The following CD14 variants were observed in gnomAD, a reference collection of about 807,000 sequenced individuals.
CD14 encodes CD14 molecule, also known as monocyte differentiation antigen CD14.
A neutral mutation model predicts 2.5 loss-of-function variants in CD14; 4 were observed. The observed-to-expected ratio is 1.63, with a 90% CI of 0.80 to 3.72. CD14 has a LOEUF of 3.72. CD14 is among the 30% of genes most tolerant of loss of function. The pLI is 0.01. For synonymous variants in CD14, 236 were observed against 235.1 expected, an observed-to-expected ratio of 1.00 and a Z score of -0.04; for missense variants, 478 against 497.8, an observed-to-expected ratio of 0.96 and a Z score of 0.38.
chr5:140,632,597 G>A lies in CD14; in HGVS notation c.387C>T (p.Thr129=). The A allele has an allele frequency of 6.2e-7, 1 of 1,614,000 alleles. No homozygotes were observed. The highest frequency in any genetic ancestry group is 8.5e-7 in the Non-Finnish European group (1 of 1,180,048). The change falls in exon 2 of 2, where the codon ACC becomes ACT. Residue 129 remains threonine, a synonymous_variant. Transcript: ENST00000302014. The surrounding 1 kb of genome is among the most constrained non-coding windows in gnomAD (Gnocchi z 6.2). ...CCAGAGGCAGCGGAGGCATGGTGCC[G>A]GTTATCTTTAGGTCCTCGAGCGTCA... ...KELTLEDLKI[T]GTMPPLPLEA... is the part of the protein sequence containing the mutation.
chr5:140,633,456 T>C (rs1414901497), upstream of CD14: 23 of 413,542 alleles, frequency 5.6e-5, no homozygotes, highest in Non-Finnish European at 9.6e-5. Context: ...CTCTGGTGGG[T>C]GTGGGAAAAG....
chr5:140,633,268 C>T (rs1438893766), upstream of CD14: 13 of 678,842 alleles, frequency 1.9e-5, no homozygotes, highest in East Asian at 3.0e-4. Flanking sequence ...CACCTCTCTT[C>T]CTCCGAGCCA....
rs1756613952 is a variant in CD14, at chr5:140,632,373, T to C, written c.611A>G (p.Asn204Ser). 14 of 1,613,984 alleles carry C rather than the reference T, an allele frequency of 8.7e-6. No individual in the cohort carries two copies. The highest frequency in any genetic ancestry group is 2.2e-5 in the East Asian group (1 of 44,884). The change falls in exon 2 of 2, where the codon AAT (asparagine) becomes AGT (serine). Residue 204 changes from asparagine to serine, a missense_variant. Coordinates refer to ENST00000302014, the MANE Select transcript of CD14 (RefSeq NM_000591.4). The surrounding 1 kb of genome is among the most constrained non-coding windows in gnomAD (Gnocchi z 6.2). ...PALTSLDLSD[N>S]PGLGERGLMA... Reference sequence around the variant, plus strand: ...CAGTCCGCGTTCGCCCAGTCCAGGATTGTCAGACAGGTCTAGGCTGGTAAG... The same window carrying C: ...CAGTCCGCGTTCGCCCAGTCCAGGACTGTCAGACAGGTCTAGGCTGGTAAG...
chr5:140,632,321 G>T lies in CD14; in HGVS notation c.663C>A (p.Phe221Leu). The T allele has an allele frequency of 6.2e-7, 1 of 1,614,048 alleles. No individual in the cohort carries two copies. Among genetic ancestry groups the T allele is most frequent in the East Asian group, 2.2e-5 (1 of 44,890 alleles). Residue 221 changes from phenylalanine to leucine, a missense_variant, in exon 2 of 2, where the codon TTC becomes TTA. Physicochemically the swap from Phe to Leu is conservative, Grantham distance 22 (BLOSUM62 0). Transcript: ENST00000302014. The surrounding 1 kb of genome is among the most constrained non-coding windows in gnomAD (Gnocchi z 6.2). ...GCAGCGCTAGATTCTGGATGGCCGG[G>T]AACTTGTGGGGACAGAGAGCCGCCA... ...GLMAALCPHK[F>L]PAIQNLALRN...
rs1460799136 is a variant in CD14, at chr5:140,632,234, C to T, written c.750G>A (p.Gln250=). The change falls in exon 2 of 2, where the codon CAG becomes CAA. Residue 250 remains glutamine (Q), a synonymous_variant. Transcript: ENST00000302014. This position sits in a 1 kb window ranked among gnomAD's most constrained non-coding sequence, Gnocchi z 6.2. Reference sequence around the variant, plus strand: ...TGTGGCTGAGGTCTAGGCTGTGGGGCTGCACACCTGCCGCCGCCAGTGCGG... The same window carrying T: ...TGTGGCTGAGGTCTAGGCTGTGGGGTTGCACACCTGCCGCCGCCAGTGCGG... ...VCAALAAAGV[Q]PHSLDLSHNS... is the part of the protein sequence containing the mutation. The T allele has an allele frequency of 2.5e-6, 4 of 1,613,468 alleles. No individual in the cohort carries two copies. Among genetic ancestry groups the T allele is most frequent in the Middle Eastern group, 1.7e-4 (1 of 6,056 alleles).
chr5:140,632,785 C>A lies in CD14; in HGVS notation c.199G>T (p.Glu67Ter), dbSNP rs923433756. 1.9e-6 allele frequency: 3 copies of A among 1,613,490 alleles called. No homozygotes were observed. The African/African-American group carries it at 4.0e-5, about 22-fold the overall frequency. Reference sequence around the variant, plus strand: ...GCATCGACGCGCTTTAGAAACGGCTCTAGGTTGAGACCGCCGGCATGGATC... The same window carrying A: ...GCATCGACGCGCTTTAGAAACGGCTATAGGTTGAGACCGCCGGCATGGATC... ...VEIHAGGLNL[E>*]PFLKRVDADA... is the part of the protein sequence containing the mutation. The change falls in exon 2 of 2, where the codon GAG becomes TAG. Residue 67 changes from glutamate to a stop codon, truncating the protein, a stop_gained. Coordinates refer to ENST00000302014, the MANE Select transcript of CD14 (RefSeq NM_000591.4). LOFTEE classifies it low-confidence loss of function (END_TRUNC). The surrounding 1 kb of genome is among the most constrained non-coding windows in gnomAD (Gnocchi z 6.2).
In CD14 at chr5:140,632,121, A is replaced by G. The variant is rs749523654; in HGVS notation, c.863T>C (p.Leu288Pro). The stretch of plus-strand genomic sequence containing the variant: ...TGGCAGTCCTTTAGGCACCTGTTCC[A>G]GCCCAGCGAACGACAGATTGAGGGA... ...LNSLNLSFAGLEQVPKGLPAK... is the reference protein window; with the variant it reads ...LNSLNLSFAGPEQVPKGLPAK... The change falls in exon 2 of 2, where the codon CTG (leucine) becomes CCG (proline). Residue 288 changes from leucine (L) to proline (P), a missense_variant. By Grantham distance (98) the Leu-to-Pro change is moderately conservative. Transcript: ENST00000302014. The surrounding 1 kb of genome is among the most constrained non-coding windows in gnomAD (Gnocchi z 6.2). The G allele has an allele frequency of 6.2e-7, 1 of 1,614,168 alleles. No homozygotes were observed. The highest frequency in any genetic ancestry group is 1.7e-5 in the Admixed American group (1 of 60,030).
chr5:140,632,487 T>A lies in CD14; in HGVS notation c.497A>T (p.Gln166Leu). Residue 166 changes from glutamine (Q) to leucine (L), a missense_variant, in exon 2 of 2, where the codon CAG becomes CTG. By Grantham distance (113) the Gln-to-Leu change is moderately radical. Transcript: ENST00000302014. The surrounding 1 kb of genome is among the most constrained non-coding windows in gnomAD (Gnocchi z 6.2). The part of the protein sequence containing the change: ...TGRSWLAELQ[Q>L]WLKPGLKVLS... Reference sequence around the variant, plus strand: ...TACCTTGAGGCCTGGCTTGAGCCACTGCTGCAGCTCGGCGAGCCAAGAACG... The same window carrying A: ...TACCTTGAGGCCTGGCTTGAGCCACAGCTGCAGCTCGGCGAGCCAAGAACG... 1 of 1,614,068 alleles carries A rather than the reference T, an allele frequency of 6.2e-7. No individual in the cohort carries two copies. Among genetic ancestry groups the A allele is most frequent in the Non-Finnish European group, 8.5e-7 (1 of 1,180,010 alleles).
Position 140,632,456 on chromosome 5 carries a change from G to A in CD14, c.528C>T (p.Ser176=). The change falls in exon 2 of 2, where the codon AGC becomes AGT. Residue 176 remains serine, a synonymous_variant. Transcript: ENST00000302014. This position sits in a 1 kb window ranked among gnomAD's most constrained non-coding sequence, Gnocchi z 6.2. Reference sequence around the variant, plus strand: ...AGGCAGGCGAGTGTGCTTGGGCAATGCTCAGTACCTTGAGGCCTGGCTTGA... The same window carrying A: ...AGGCAGGCGAGTGTGCTTGGGCAATACTCAGTACCTTGAGGCCTGGCTTGA... ...QWLKPGLKVL[S]IAQAHSPAFS... 2 of 1,614,204 alleles carry A rather than the reference G, an allele frequency of 1.2e-6. No individual in the cohort carries two copies. Among genetic ancestry groups the A allele is most frequent in the Non-Finnish European group, 1.7e-6 (2 of 1,180,048 alleles).
Position 140,632,696 on chromosome 5 carries a change from C to G in CD14, c.288G>C (p.Val96=). 1.2e-6 allele frequency: 2 copies of G among 1,613,766 alleles called. No individual in the cohort carries two copies. The highest frequency in any genetic ancestry group is 1.7e-6 in the Non-Finnish European group (2 of 1,180,014). Residue 96 remains valine, a synonymous_variant, in exon 2 of 2, where the codon GTG becomes GTC. Coordinates refer to ENST00000302014, the MANE Select transcript of CD14 (RefSeq NM_000591.4). The surrounding 1 kb of genome is among the most constrained non-coding windows in gnomAD (Gnocchi z 6.2). ...GCTGAGCAGGAACCTGTGCGGCTCC[C>G]ACTGTGAGCCGCCGCACGCGGAGAG... is the stretch of plus-strand genomic sequence containing the variant. ...VKALRVRRLT[V]GAAQVPAQLL...
chr5:140,632,875 TGCAGAC>T lies in CD14; in HGVS notation c.103_108del (p.Val35_Cys36del). 6.2e-7 allele frequency: 1 copy of T among 1,614,134 alleles called. No individual in the cohort carries two copies. The highest frequency in any genetic ancestry group is 8.5e-7 in the Non-Finnish European group (1 of 1,180,022). ...CAGTCGGGCTGAGGTTCGGAGAAGT[TGCAGAC>T]GCAGCGGAAATCTTCATCGTCCAGC... On this transcript the variant is annotated inframe_deletion, in exon 2 of 2. Coordinates refer to ENST00000302014, the MANE Select transcript of CD14 (RefSeq NM_000591.4). The surrounding 1 kb of genome is among the most constrained non-coding windows in gnomAD (Gnocchi z 6.2).
chr5:140,632,746 G>C lies in CD14; in HGVS notation c.238C>G (p.Arg80Gly). Residue 80 changes from arginine (R) to glycine (G), a missense_variant, in exon 2 of 2, where the codon CGG becomes GGG. Transcript: ENST00000302014. The surrounding 1 kb of genome is among the most constrained non-coding windows in gnomAD (Gnocchi z 6.2). ...LKRVDADADPRQYADTVKALR... is the reference protein window; with the variant it reads ...LKRVDADADPGQYADTVKALR... ...GCCTTGACCGTGTCAGCATACTGCC[G>C]CGGGTCGGCGTCCGCATCGACGCGC... is the stretch of plus-strand genomic sequence containing the variant. 1 of 1,613,444 alleles carries C rather than the reference G, an allele frequency of 6.2e-7. No homozygotes were observed. The highest frequency in any genetic ancestry group is 1.7e-5 in the Admixed American group (1 of 60,020).
upstream of CD14, chr5:140,633,369 T>A: frequency 3.7e-6 from 2 of 539,744 alleles, no homozygotes; most frequent in Non-Finnish European, 6.7e-6. Context: ...TCTAGGGTTC[T>A]GTGTCTCCTG....
Position 140,632,203 on chromosome 5 carries a change from G to T in CD14, c.781C>A (p.Leu261Met). 1 of 1,613,560 alleles carries T rather than the reference G, an allele frequency of 6.2e-7. No individual in the cohort carries two copies. The highest frequency in any genetic ancestry group is 8.5e-7 in the Non-Finnish European group (1 of 1,179,740). Residue 261 changes from leucine (L) to methionine (M), a missense_variant, in exon 2 of 2, where the codon CTG (leucine) becomes ATG (methionine). By Grantham distance (15) the Leu-to-Met change is conservative. Coordinates refer to ENST00000302014, the MANE Select transcript of CD14 (RefSeq NM_000591.4). The surrounding 1 kb of genome is among the most constrained non-coding windows in gnomAD (Gnocchi z 6.2). ...GCGCTAGGGTTTACGGTGGCGCGCA[G>T]CGAGTTGTGGCTGAGGTCTAGGCTG... Reference protein sequence around the residue: ...PHSLDLSHNSLRATVNPSAPR... With the variant: ...PHSLDLSHNSMRATVNPSAPR...
In CD14 at chr5:140,632,219, G is replaced by A. The variant is rs752607876; in HGVS notation, c.765C>T (p.Asp255=). The A allele has an allele frequency of 1.2e-6, 2 of 1,613,608 alleles. No homozygotes were observed. Among genetic ancestry groups the A allele is most frequent in the African/African-American group, 2.7e-5 (2 of 74,944 alleles). The change falls in exon 2 of 2, where the codon GAC becomes GAT. Residue 255 remains aspartate, a synonymous_variant. Transcript: ENST00000302014. This position sits in a 1 kb window ranked among gnomAD's most constrained non-coding sequence, Gnocchi z 6.2. ...TGGCGCGCAGCGAGTTGTGGCTGAG[G>A]TCTAGGCTGTGGGGCTGCACACCTG... ...AAAGVQPHSL[D]LSHNSLRATV...
Position 140,632,525 on chromosome 5 carries a change from C to T in CD14, c.459G>A (p.Ser153=). Residue 153 remains serine, a synonymous_variant, in exon 2 of 2, where the codon TCG becomes TCA. Transcript: ENST00000302014. This position sits in a 1 kb window ranked among gnomAD's most constrained non-coding sequence, Gnocchi z 6.2. The part of the protein sequence containing the change: ...ALSSLRLRNV[S]WATGRSWLAE... ...CGAGCCAAGAACGCCCTGTCGCCCA[C>T]GACACGTTGCGTAGGCGCAAGCTGG... 6.2e-7 allele frequency: 1 copy of T among 1,614,186 alleles called. No homozygotes were observed. Among genetic ancestry groups the T allele is most frequent in the Non-Finnish European group, 8.5e-7 (1 of 1,180,046 alleles).
Position 140,632,231 on chromosome 5 carries a change from G to C in CD14, c.753C>G (p.Pro251=), listed in dbSNP as rs1756604483. 1.2e-6 allele frequency: 2 copies of C among 1,613,390 alleles called. No individual in the cohort carries two copies. The highest frequency in any genetic ancestry group is 2.2e-5 in the South Asian group (2 of 91,074). ...CAALAAAGVQ[P]HSLDLSHNSL... is the part of the protein sequence containing the mutation. ...AGTTGTGGCTGAGGTCTAGGCTGTGGGGCTGCACACCTGCCGCCGCCAGTG... is the reference window on the plus strand; with the variant it reads ...AGTTGTGGCTGAGGTCTAGGCTGTGCGGCTGCACACCTGCCGCCGCCAGTG... Residue 251 remains proline (P), a synonymous_variant, in exon 2 of 2, where the codon CCC becomes CCG. Coordinates refer to ENST00000302014, the MANE Select transcript of CD14 (RefSeq NM_000591.4). This position sits in a 1 kb window ranked among gnomAD's most constrained non-coding sequence, Gnocchi z 6.2.
chr5:140,632,107 T>C lies in CD14; in HGVS notation c.877A>G (p.Lys293Glu). 6.2e-7 allele frequency: 1 copy of C among 1,614,178 alleles called. No individual in the cohort carries two copies. The highest frequency in any genetic ancestry group is 8.5e-7 in the Non-Finnish European group (1 of 1,180,024). The change falls in exon 2 of 2, where the codon AAA becomes GAA. Residue 293 changes from lysine (K) to glutamate (E), a missense_variant. By Grantham distance (56) the Lys-to-Glu change is moderately conservative. Coordinates refer to ENST00000302014, the MANE Select transcript of CD14 (RefSeq NM_000591.4). The surrounding 1 kb of genome is among the most constrained non-coding windows in gnomAD (Gnocchi z 6.2). Reference sequence around the variant, plus strand: ...ACTCTGAGCTTGGCTGGCAGTCCTTTAGGCACCTGTTCCAGCCCAGCGAAC... The same window carrying C: ...ACTCTGAGCTTGGCTGGCAGTCCTTCAGGCACCTGTTCCAGCCCAGCGAAC... ...LSFAGLEQVP[K>E]GLPAKLRVLD...
Position 140,632,060 on chromosome 5 carries a change from TCTGTTGCAG to T in CD14, c.915_923del (p.Ser305_Asn307del), listed in dbSNP as rs1017694078. 6.2e-7 allele frequency: 1 copy of T among 1,614,216 alleles called. No individual in the cohort carries two copies. Among genetic ancestry groups the T allele is most frequent in the African/African-American group, 1.3e-5 (1 of 75,062 alleles). Reference sequence around the variant, plus strand: ...CGTCAGGCTGCGGCGCCCTGTTCAGTCTGTTGCAGCTGAGATCGAGCACTCTGAGCTTGG... The same window carrying T: ...CGTCAGGCTGCGGCGCCCTGTTCAGTCTGAGATCGAGCACTCTGAGCTTGG... On this transcript the variant is annotated inframe_deletion, in exon 2 of 2. Coordinates refer to ENST00000302014, the MANE Select transcript of CD14 (RefSeq NM_000591.4). This position sits in a 1 kb window ranked among gnomAD's most constrained non-coding sequence, Gnocchi z 6.2.
Sources: gnomAD v4.1 joint callset for allele counts on GRCh38, gnomAD v4.1.1 for gene constraint, Gnocchi (gnomAD v3.1) non-coding constraint, MANE v1.5 for transcripts, NCBI Gene and HGNC (gene_info 2026-07-23, HGNC 2026-07-21) for gene names.